CCT6A: variants seen among roughly 807,000 people sequenced by gnomAD.
CCT6A encodes T-complex protein 1 subunit zeta.
In CCT6A, 6 loss-of-function variants were observed where a neutral mutation model predicts 58.6. The ratio of observed to expected loss-of-function variants is 0.10; its 90% CI spans 0.06 to 0.20. The LOEUF (loss-of-function observed/expected upper bound fraction) is 0.20, where lower values mean the gene tolerates loss of function less well. Among genes scored for constraint, CCT6A ranks in the 10% least tolerant of loss-of-function variants. CCT6A has a pLI of 1.00. For missense variants in CCT6A, 516 were observed against 648.8 expected (o/e 0.80, Z 2.22); for synonymous variants, 245 against 227.8 (o/e 1.08, Z -0.68).
At chr7:56,054,141 C>G (rs984074227) in intron 2 of CCT6A, among the ~76,000 whole-genome samples, 1 of 151,644 alleles carries the variant, frequency 6.6e-6, no homozygotes, top group Non-Finnish European at 1.5e-5. Context: ...GAGCCTCAAG[C>G]TTCCTCATCT....
At chr7:56,052,388 G>T in intron 1 of CCT6A, 34 bp from the exon 2 acceptor site, 1 of 1,598,948 alleles carries the variant, frequency 6.3e-7, no homozygotes, top group Non-Finnish European at 8.6e-7. Flanking sequence ...CGTTGAAAAA[G>T]TCATAGTCTG....
At chr7:56,059,480 T>C in intron 8 of CCT6A, 64 bp from the exon 9 acceptor site, 1 of 813,006 alleles carries the variant, frequency 1.2e-6, no homozygotes, top group Non-Finnish European at 2.1e-6. Flanking sequence ...TAAAAATTAC[T>C]GGTCTTATCT....
At chr7:56,058,996 A>C in intron 8 of CCT6A, 2 of 209,204 alleles carry the variant, frequency 9.6e-6, no homozygotes, top group Non-Finnish European at 1.9e-5. Flanking sequence ...GCTCCCCACA[A>C]TAAAAAGCTT....
Position 56,051,910 on chromosome 7 carries a change from C to A in CCT6A, c.62C>A (p.Ala21Glu). ...GTGGCCCGAGCGCAGGCGGCGCTGG[C>A]GGTCAACATCAGCGCAGCGCGGGGT... ...AEVARAQAAL[A>E]VNISAARGLQ... The change falls in exon 1 of 14, where the codon GCG becomes GAG. Residue 21 changes from alanine to glutamate, a missense_variant. Physicochemically the swap from Ala to Glu is moderately radical, Grantham distance 107 (BLOSUM62 -1). Transcript: ENST00000275603. 1.3e-6 allele frequency: 2 copies of A among 1,553,308 alleles called. No individual in the cohort carries two copies. Among genetic ancestry groups the A allele is most frequent in the Non-Finnish European group, 1.7e-6 (2 of 1,148,492 alleles).
intron 4 of CCT6A, 41 bp downstream of exon 4, chr7:56,055,838 A>C: frequency 7.1e-7 from 1 of 1,406,400 alleles, no homozygotes; most frequent in African/African-American, 1.4e-5. Context: ...TAGTATACCT[A>C]TATAGAAAAT....
chr7:56,060,266 T>C lies in CCT6A; in HGVS notation c.1066-3T>C. 1 of 1,612,700 alleles carries C rather than the reference T, an allele frequency of 6.2e-7. No homozygotes were observed. Among genetic ancestry groups the C allele is most frequent in the Non-Finnish European group, 8.5e-7 (1 of 1,178,734 alleles). ...TTGAAAATCATATTTTTTCTACACATAGGGAGAAGAGAAGTTTACCTTTAT... is the reference window on the plus strand; with the variant it reads ...TTGAAAATCATATTTTTTCTACACACAGGGAGAAGAGAAGTTTACCTTTAT... On this transcript the variant is annotated splice_region_variant and splice_polypyrimidine_tract_variant and intron_variant, in intron 9 of 13. Transcript: ENST00000275603.
Position 56,054,626 on chromosome 7 carries a change from G to A in CCT6A, c.336+123G>A, listed in dbSNP as rs988012913. The A allele has an allele frequency of 1.5e-5, 13 of 894,222 alleles. No homozygotes were observed. The African/African-American group carries it at 1.5e-4, about 10-fold the overall frequency. The allele number at this position is 894,222 out of a possible 1,614,324, so 55.4% of individuals were successfully genotyped here. A position where few individuals can be genotyped will look rare whatever the true frequency, so the allele number is the denominator to read the frequency against. ...CAGTAGAATTAGGGGGCTTAAATCTGGGTCTTTATCCTGGTCTAAAACAAA... is the reference window on the plus strand; with the variant it reads ...CAGTAGAATTAGGGGGCTTAAATCTAGGTCTTTATCCTGGTCTAAAACAAA... On this transcript the variant is annotated intron_variant, in intron 3 of 13. Coordinates refer to ENST00000275603, the MANE Select transcript of CCT6A (RefSeq NM_001762.4).
chr7:56,060,801 C>T lies in CCT6A; in HGVS notation c.1214-6C>T. On this transcript the variant is annotated splice_region_variant and splice_polypyrimidine_tract_variant and intron_variant, in intron 10 of 13. Coordinates refer to ENST00000275603, the MANE Select transcript of CCT6A (RefSeq NM_001762.4). ...TTAGCATTTTTCCTTTTCCCCCATC[C>T]AACAGGCTGTGTGGTTCCAGGTGCT... 1.2e-6 allele frequency: 2 copies of T among 1,603,090 alleles called. No individual in the cohort carries two copies. The highest frequency in any genetic ancestry group is 1.7e-6 in the Non-Finnish European group (2 of 1,177,448).
chr7:56,052,347 A>C, intron 1 of CCT6A, 75 bp from the exon 2 acceptor site: 1 of 1,380,690 alleles, frequency 7.2e-7, no homozygotes, highest in Non-Finnish European at 1.0e-6. Flanking sequence ...AATCTGGGAA[A>C]AGCCCGTTTT....
In CCT6A at chr7:56,055,705, A is replaced by T; in HGVS notation, c.418A>T (p.Ser140Cys). 6.2e-7 allele frequency: 1 copy of T among 1,613,770 alleles called. No homozygotes were observed. The highest frequency in any genetic ancestry group is 1.1e-5 in the South Asian group (1 of 91,068). ...TCAGTTTTTGGAAGAAGTCAAAGTA[A>T]GCAGAGAGATGGACAGGGAAACACT... is the stretch of plus-strand genomic sequence containing the variant. ...ALQFLEEVKV[S>C]REMDRETLID... is the part of the protein sequence containing the mutation. The change falls in exon 4 of 14, where the codon AGC (serine) becomes TGC (cysteine). Residue 140 changes from serine to cysteine, a missense_variant. Physicochemically the swap from Ser to Cys is moderately radical, Grantham distance 112. Coordinates refer to ENST00000275603, the MANE Select transcript of CCT6A (RefSeq NM_001762.4).
chr7:56,055,393 A>G, intron 3 of CCT6A: 1 of 621,494 alleles, frequency 1.6e-6, no homozygotes, highest in Non-Finnish European at 2.9e-6. Flanking sequence ...AGTGTGCTTT[A>G]TAGTTCCCTT....
intron 6 of CCT6A, 77 bp downstream of exon 6, chr7:56,058,180 T>G: frequency 2.0e-6 from 2 of 1,002,874 alleles, no homozygotes; most frequent in South Asian, 2.7e-5. Context: ...GAAACTTTGT[T>G]TCCCACTGTA....
At position 56,059,652 on chromosome 7, in the gene CCT6A, T is replaced by C; in HGVS notation, c.1065+12T>C. ...ATGAGTATACATTGGTAAGTGTATT[T>C]TTTTCTTAAAGGTAATAGAACCTTT... On this transcript the variant is annotated intron_variant, in intron 9 of 13. Transcript: ENST00000275603. 7.6e-7 allele frequency: 1 copy of C among 1,320,296 alleles called. No individual in the cohort carries two copies. Among genetic ancestry groups the C allele is most frequent in the East Asian group, 2.3e-5 (1 of 43,600 alleles). 81.8% of individuals were successfully genotyped at this position (1,320,296 alleles called of 1,614,324 possible).
intron 1 of CCT6A, 123 bp from the exon 2 acceptor site, chr7:56,052,299 T>TG: frequency 1.2e-6 from 1 of 850,080 alleles, no homozygotes; most frequent in Non-Finnish European, 2.0e-6. Context: ...TCCTCCATCC[T>TG]GCTGGACATA....
At chr7:56,060,169 T>C (rs1794402579) in intron 9 of CCT6A, 100 bp from the exon 10 acceptor site, 2 of 993,560 alleles carry the variant, frequency 2.0e-6, no homozygotes, top group East Asian at 4.8e-5. Context: ...ATCAAGTTTG[T>C]TCCTTATTAA....
At position 56,063,334 on chromosome 7, in the gene CCT6A, G is replaced by T. The variant is rs2094148696; in HGVS notation, c.*249G>T. On this transcript the variant is annotated 3_prime_UTR_variant, in exon 14 of 14. Coordinates refer to ENST00000275603, the MANE Select transcript of CCT6A (RefSeq NM_001762.4). The stretch of plus-strand genomic sequence containing the variant: ...AACAGGATGTTTTGCTTTAGCAGCA[G>T]TGACATAAAATTCCATGTTAGATAA... 8.1e-6 allele frequency: 4 copies of T among 494,152 alleles called. No individual in the cohort carries two copies. The highest frequency in any genetic ancestry group is 7.6e-5 in the South Asian group (3 of 39,562). 30.6% of individuals were successfully genotyped at this position (494,152 alleles called of 1,614,324 possible). A position where few individuals can be genotyped will look rare whatever the true frequency, so the allele number is the denominator to read the frequency against.
At position 56,057,933 on chromosome 7, in the gene CCT6A, T is replaced by C. The variant is rs1347615091; in HGVS notation, c.615-60T>C. The C allele has an allele frequency of 4.5e-6, 4 of 894,598 alleles. No individual in the cohort carries two copies. In the Admixed American group the frequency reaches 7.4e-5, roughly 16 times the overall value. The allele number at this position is 894,598 out of a possible 1,614,324, so 55.4% of individuals were successfully genotyped here. A position where few individuals can be genotyped will look rare whatever the true frequency, so the allele number is the denominator to read the frequency against. ...TATCAATACCTTCTCATTTCAGTGTTTAATATATTAAATACCCATCTGAAA... is the reference window on the plus strand; with the variant it reads ...TATCAATACCTTCTCATTTCAGTGTCTAATATATTAAATACCCATCTGAAA... On this transcript the variant is annotated intron_variant, in intron 5 of 13. Coordinates refer to ENST00000275603, the MANE Select transcript of CCT6A (RefSeq NM_001762.4).
At chr7:56,052,576 TAGG>T in intron 2 of CCT6A, 91 bp downstream of exon 2, 1 of 1,100,082 alleles carries the variant, frequency 9.1e-7, no homozygotes, top group South Asian at 1.3e-5. Flanking sequence ...ATTTTCAAGG[TAGG>T]AGAACATTCA....
intron 3 of CCT6A, 56 bp from the exon 4 acceptor site, chr7:56,055,568 A>G: frequency 6.3e-6 from 9 of 1,424,040 alleles, no homozygotes; most frequent in Admixed American, 1.8e-5. Context: ...GAACTTTATC[A>G]TGAACTATGG....
Sources: gnomAD v4.1 joint callset for allele counts (sites outside exome capture counted in the v4.1 genomes callset) on GRCh38, gnomAD v4.1.1 for gene constraint, MANE v1.5 for transcripts, NCBI Gene and HGNC (gene_info 2026-07-23, HGNC 2026-07-21) for gene names.